Variants in RARB observed in about 807,000 individuals in gnomAD.
The protein encoded by RARB is HBV-activated protein.
A neutral mutation model predicts 51.9 loss-of-function variants in RARB; 17 were observed. That is an observed-to-expected ratio of 0.33 (90% CI 0.22 to 0.49). The LOEUF (loss-of-function observed/expected upper bound fraction) is 0.49. RARB is among the 20% of genes least tolerant of loss of function. The probability of loss-of-function intolerance (pLI) is 0.99; values close to 1 mark genes in which losing one functional copy is unlikely to be tolerated. For synonymous variants in RARB, 215 were observed against 195.4 expected, an observed-to-expected ratio of 1.10 and a Z score of -0.84; for missense variants, 369 against 550.8, an observed-to-expected ratio of 0.67 and a Z score of 3.30.
chr3:24,980,067 T>C (rs1366870422), intron 2 of RARB, among the ~76,000 whole-genome samples: 1 of 152,182 alleles, frequency 6.6e-6, no homozygotes, highest in Non-Finnish European at 1.5e-5. Context: ...GGTTGAAAAT[T>C]CTTTTCTTTA....
chr3:25,039,801 C>G (rs1698075887), intron 2 of RARB, among the ~76,000 whole-genome samples: 1 of 152,132 alleles, frequency 6.6e-6, no homozygotes, highest in South Asian at 2.1e-4. Context: ...ATAGAGATCT[C>G]TTTAAGAGAG....
chr3:25,216,388 T>C (rs1408013760), intron 5 of RARB, among the ~76,000 whole-genome samples: 3 of 152,220 alleles, frequency 2.0e-5, no homozygotes, highest in Admixed American at 6.5e-5. Flanking sequence ...ATATACACCA[T>C]AGAATACTAT....
At chr3:25,255,776 T>C (rs550953889) in intron 5 of RARB, among the ~76,000 whole-genome samples, 1 of 152,190 alleles carries the variant, frequency 6.6e-6, no homozygotes, top group Non-Finnish European at 1.5e-5. Context: ...TCTCCCTTAA[T>C]GTATAATTTT....
intron 3 of RARB, among the ~76,000 whole-genome samples, chr3:25,506,265 A>C (rs1332351862): frequency 2.0e-5 from 3 of 151,354 alleles, no homozygotes; most frequent in African/African-American, 4.9e-5. Flanking sequence ...AAAAAAAAAA[A>C]AAAAAAAAAA....
intron 3 of RARB, among the ~76,000 whole-genome samples, chr3:25,533,708 A>G (rs1699020108): frequency 6.6e-6 from 1 of 152,236 alleles, no homozygotes; most frequent in African/African-American, 2.4e-5. Flanking sequence ...AAGAACCCAC[A>G]TGATTCTATT....
intron 3 of RARB, among the ~76,000 whole-genome samples, chr3:25,120,765 A>G (rs1450699819): frequency 1.3e-5 from 2 of 152,172 alleles, no homozygotes; most frequent in African/African-American, 2.4e-5. Flanking sequence ...CATAAGCAAT[A>G]TGAGGCTTTT....
intron 1 of RARB, among the ~76,000 whole-genome samples, chr3:25,457,532 T>G (rs1694979265): frequency 6.6e-6 from 1 of 152,234 alleles, no homozygotes; most frequent in Non-Finnish European, 1.5e-5. Flanking sequence ...ATTCATTCAT[T>G]TGTTATAAAT....
At chr3:25,015,373 A>C (rs554400510) in intron 2 of RARB, among the ~76,000 whole-genome samples, 1 of 152,328 alleles carries the variant, frequency 6.6e-6, no homozygotes, top group Non-Finnish European at 1.5e-5. Flanking sequence ...AACTTTCAAG[A>C]AATGAATATT....
chr3:25,156,708 T>C (rs1700381204), intron 4 of RARB, among the ~76,000 whole-genome samples: 1 of 152,160 alleles, frequency 6.6e-6, no homozygotes, highest in Non-Finnish European at 1.5e-5. Flanking sequence ...TTTGAGTCCT[T>C]CTTGGCATAA....
intron 3 of RARB, among the ~76,000 whole-genome samples, chr3:25,109,230 G>C (rs1452703368): frequency 1.3e-5 from 2 of 152,080 alleles, no homozygotes; most frequent in Admixed American, 6.6e-5. Flanking sequence ...ATATTAGCTG[G>C]TATTTCATTG....
intron 4 of RARB, among the ~76,000 whole-genome samples, chr3:25,576,768 C>T (rs1196364158): frequency 1.3e-5 from 2 of 148,434 alleles, no homozygotes; most frequent in Non-Finnish European, 3.0e-5. Flanking sequence ...ATCACGCCCT[C>T]CTGTCTACCC....
chr3:24,934,052 T>C (rs1219518421), intron 2 of RARB, among the ~76,000 whole-genome samples: 1 of 152,164 alleles, frequency 6.6e-6, no homozygotes, highest in East Asian at 1.9e-4. Context: ...AGCTTCTCAA[T>C]GAAGTTCCCT....
intron 4 of RARB, among the ~76,000 whole-genome samples, chr3:25,149,100 T>C (rs1700241403): frequency 2.0e-5 from 3 of 152,166 alleles, no homozygotes; most frequent in African/African-American, 7.2e-5. Context: ...AGTAACACTC[T>C]TGAGCAGGGG....
At position 25,184,133 on chromosome 3, in the gene RARB, G is replaced by GTT. The variant is rs760019529; in HGVS notation, c.178+9559_178+9560dup. Reference sequence around the variant, plus strand: ...ATGAAAATCTACAAATACAGAGTTTGTTGTTTTTTTTTTCTAGTTATTGCC... The same window carrying GTT: ...ATGAAAATCTACAAATACAGAGTTTGTTTTGTTTTTTTTTTCTAGTTATTGCC... On this transcript the variant is annotated intron_variant, in intron 5 of 11. Coordinates refer to the RARB transcript ENST00000383772. Among the ~76,000 whole-genome samples the GTT allele has an allele frequency of 2.5e-3, 345 of 137,580 alleles. 2 individuals carry two copies. The highest frequency in any genetic ancestry group is 0.021 in the East Asian group (104 of 5,054). 90.3% of individuals were successfully genotyped at this position (137,580 alleles called of 152,430 possible).
intron 5 of RARB, among the ~76,000 whole-genome samples, chr3:25,244,491 A>G (rs1238042068): frequency 6.6e-6 from 1 of 152,020 alleles, no homozygotes; most frequent in Admixed American, 6.6e-5. Flanking sequence ...AGCTGTGTCT[A>G]AGAGATTCTT....
intron 4 of RARB, among the ~76,000 whole-genome samples, chr3:25,159,883 A>G (rs1015400688): frequency 6.6e-6 from 1 of 152,156 alleles, no homozygotes; most frequent in Non-Finnish European, 1.5e-5. Context: ...AACACCCACA[A>G]AGAGAATAAG....
At chr3:25,589,286 AAAG>A (rs1701523257) in intron 5 of RARB, among the ~76,000 whole-genome samples, 1 of 152,208 alleles carries the variant, frequency 6.6e-6, no homozygotes, top group South Asian at 2.1e-4. Context: ...GAAGCTTCAC[AAAG>A]AAGACCAAGA....
intron 5 of RARB, among the ~76,000 whole-genome samples, chr3:25,263,414 C>G (rs1238761245): frequency 1.3e-5 from 2 of 152,136 alleles, no homozygotes; most frequent in Non-Finnish European, 2.9e-5. Context: ...GTTAACTAGT[C>G]TATTTTGCCA....
Position 25,461,239 on chromosome 3 carries a change from C to G in RARB, c.204C>G (p.Pro68=). 2 of 1,614,002 alleles carry G rather than the reference C, an allele frequency of 1.2e-6. No homozygotes were observed. The highest frequency in any genetic ancestry group is 1.7e-6 in the Non-Finnish European group (2 of 1,179,976). The change falls in exon 2 of 8, where the codon CCC becomes CCG. Residue 68 remains proline, a synonymous_variant. Coordinates refer to ENST00000330688, the MANE Select transcript of RARB (RefSeq NM_000965.5). ...STSSEELVPS[P]PSPLPPPRVY... is the part of the protein sequence containing the mutation. ...GCTCTGAGGAACTCGTCCCAAGCCC[C>G]CCATCTCCACTTCCTCCCCCTCGAG...
Sources: allele counts gnomAD v4.1 joint callset (sites outside exome capture counted in the v4.1 genomes callset), GRCh38; gene constraint gnomAD v4.1.1; transcripts MANE v1.5; gene names NCBI Gene and HGNC (gene_info 2026-07-23, HGNC 2026-07-21).